The following BEAN1 variants were observed in gnomAD, a reference collection of about 807,000 sequenced individuals.
BEAN1 encodes the protein brain expressed associated with NEDD4 1.
BEAN1 carries 17 observed loss-of-function variants against 17.7 expected under a neutral mutation model. The ratio of observed to expected loss-of-function variants is 0.96; its 90% CI spans 0.66 to 1.44. The LOEUF (loss-of-function observed/expected upper bound fraction) is 1.44. Among genes scored for constraint, BEAN1 ranks in the 40% most tolerant of loss-of-function variants. BEAN1 has a pLI of 0.00. For missense variants in BEAN1, 359 were observed against 374.1 expected, an observed-to-expected ratio of 0.96 and a Z score of 0.33; for synonymous variants, 142 against 151.8, an observed-to-expected ratio of 0.94 and a Z score of 0.47.
chr16:66,491,230 G>A (rs777476821), intron 4 of BEAN1, among the ~76,000 whole-genome samples: 1 of 152,246 alleles, frequency 6.6e-6, no homozygotes, highest in Non-Finnish European at 1.5e-5. Context: ...TCTGCCAGAG[G>A]AAGTGGCCCT....
chr16:66,437,694 C>T lies in BEAN1; in HGVS notation c.18C>T (p.Pro6=). The change falls in exon 2 of 5, where the codon CCC becomes CCT. Residue 6 remains proline (P), a synonymous_variant. Transcript: ENST00000536005. MSFKR[P]CPLARYNRTS... The stretch of plus-strand genomic sequence containing the variant: ...AGGATTACATGTCCTTCAAACGTCC[C>T]TGCCCCTGTAAGTTTCCTCCCCACA... The T allele has an allele frequency of 6.5e-7, 1 of 1,536,044 alleles. No individual in the cohort carries two copies. The highest frequency in any genetic ancestry group is 8.7e-7 in the Non-Finnish European group (1 of 1,146,800).
At position 66,437,652 on chromosome 16, in the gene BEAN1, T is replaced by G. The variant is rs1962080727; in HGVS notation, c.-25T>G. 3.3e-6 allele frequency: 5 copies of G among 1,535,546 alleles called. No individual in the cohort carries two copies. The highest frequency in any genetic ancestry group is 1.2e-5 in the South Asian group (1 of 84,036). ...GAGCTGTGCCCGTGGGCAGGCTGGCTCCGCTGTTCTGCTCCAAGGATTACA... is the reference window on the plus strand; with the variant it reads ...GAGCTGTGCCCGTGGGCAGGCTGGCGCCGCTGTTCTGCTCCAAGGATTACA... On this transcript the variant is annotated 5_prime_UTR_variant, in exon 2 of 5. Transcript: ENST00000536005.
intron 3 of BEAN1, 54 bp downstream of exon 3, chr16:66,469,919 C>T (rs1280291871): frequency 1.3e-5 from 20 of 1,509,346 alleles, no homozygotes; most frequent in Middle Eastern, 2.3e-4. Context: ...GGGATTGCAA[C>T]ACAGGAGGCA....
At chr16:66,445,701 G>A (rs1312416652) in intron 2 of BEAN1, among the ~76,000 whole-genome samples, 1 of 152,098 alleles carries the variant, frequency 6.6e-6, no homozygotes, top group South Asian at 2.1e-4. Context: ...GCCTGAAGAG[G>A]AGGAGAGGAA....
At chr16:66,456,959 A>G (rs1229626697) in intron 2 of BEAN1, among the ~76,000 whole-genome samples, 1 of 152,180 alleles carries the variant, frequency 6.6e-6, no homozygotes, top group African/African-American at 2.4e-5. Context: ...GTATTTTTCC[A>G]GTTACGTTTT....
At chr16:66,458,788 T>G (rs1019246218) in intron 2 of BEAN1, among the ~76,000 whole-genome samples, 1 of 152,130 alleles carries the variant, frequency 6.6e-6, no homozygotes, top group South Asian at 2.1e-4. Context: ...AGCCCCAGAC[T>G]CACTCCCACA....
rs191374185 is a variant in BEAN1 at position 66,446,148 on chromosome 16, T to C, written c.25+8447T>C. Among the ~76,000 whole-genome samples, 56 of 151,532 alleles carry C rather than the reference T, an allele frequency of 3.7e-4. 1 individual carries two copies. Among genetic ancestry groups the C allele is most frequent in the African/African-American group, 1.3e-3 (55 of 41,286 alleles). ...CAGTGAGCCAAGATCATGCCACTGA[T>C]CTCCAGCCTGGGTGATAGAGCGAGA... On this transcript the variant is annotated intron_variant, in intron 2 of 4. Coordinates refer to ENST00000536005, the MANE Select transcript of BEAN1 (RefSeq NM_001178020.3).
rs774079713 is a variant in BEAN1, at chr16:66,490,218, T to TAAAA, written c.148-2718_148-2715dup. 5.3e-4 allele frequency among the ~76,000 whole-genome samples: 23 copies of TAAAA among 43,634 alleles called. No homozygotes were observed. The East Asian group carries it at 5.4e-3, about 10-fold the overall frequency. 28.6% of individuals were successfully genotyped at this position (43,634 alleles called of 152,430 possible). The stretch of plus-strand genomic sequence containing the variant: ...CAACATGGTGAAATCCCATCTCTAC[T>TAAAA]AAAAAAAAAAAAAAAAAAAAAAAAA... On this transcript the variant is annotated intron_variant, in intron 4 of 4. Transcript: ENST00000561796.
At chr16:66,478,819 AG>A (rs1391880398) in intron 4 of BEAN1, among the ~76,000 whole-genome samples, 1 of 152,068 alleles carries the variant, frequency 6.6e-6, no homozygotes, top group Non-Finnish European at 1.5e-5. Flanking sequence ...GCCTTTGTCA[AG>A]GGTGTGTGGT....
chr16:66,489,587 G>A (rs1475242133), intron 4 of BEAN1, among the ~76,000 whole-genome samples: 1 of 152,150 alleles, frequency 6.6e-6, no homozygotes, highest in Non-Finnish European at 1.5e-5. Flanking sequence ...TGTGGGTAGT[G>A]ACTATCTGGA....
Position 66,480,757 on chromosome 16 carries a change from C to G in BEAN1, c.612C>G (p.Gly204=). 6.4e-7 allele frequency: 1 copy of G among 1,551,484 alleles called. No individual in the cohort carries two copies. Among genetic ancestry groups the G allele is most frequent in the Non-Finnish European group, 8.7e-7 (1 of 1,146,908 alleles). ...QQEQRTPAQG[G]LHTVSMDTLP... ...AGCAGAGGACCCCGGCCCAAGGTGG[C>G]CTTCACACGGTCTCCATGGACACCC... The change falls in exon 5 of 5, where the codon GGC becomes GGG. Residue 204 remains glycine, a synonymous_variant. Coordinates refer to ENST00000536005, the MANE Select transcript of BEAN1 (RefSeq NM_001178020.3).
intron 4 of BEAN1, among the ~76,000 whole-genome samples, chr16:66,480,270 C>T (rs985270154): frequency 6.6e-5 from 10 of 152,242 alleles, no homozygotes; most frequent in East Asian, 1.9e-4. Context: ...ACACCCAGTG[C>T]GCTGCGGGGA....
chr16:66,452,160 A>C (rs1478755216), intron 2 of BEAN1, among the ~76,000 whole-genome samples: 1 of 152,206 alleles, frequency 6.6e-6, no homozygotes, highest in Non-Finnish European at 1.5e-5. Context: ...GATCATCAGG[A>C]TCTATCATGG....
intron 2 of BEAN1, among the ~76,000 whole-genome samples, chr16:66,449,211 G>A (rs893193370): frequency 1.3e-5 from 2 of 152,134 alleles, no homozygotes; most frequent in Admixed American, 6.6e-5. Flanking sequence ...ATTATGTTGT[G>A]AGATTCACCC....
downstream of BEAN1, chr16:66,485,201 C>T (rs865857592): frequency 2.4e-6 from 1 of 422,934 alleles, no homozygotes; most frequent in Non-Finnish European, 4.8e-6. Flanking sequence ...TGGGGCCCCT[C>T]CCAAGTTCCT....
intron 2 of BEAN1, among the ~76,000 whole-genome samples, chr16:66,454,630 T>C (rs1402235680): frequency 6.6e-6 from 1 of 152,134 alleles, no homozygotes; most frequent in Non-Finnish European, 1.5e-5. Context: ...TTTCTTGCAG[T>C]CAGCATACAG....
intron 4 of BEAN1, among the ~76,000 whole-genome samples, chr16:66,480,270 C>A (rs985270154): frequency 6.6e-6 from 1 of 152,124 alleles, no homozygotes; most frequent in Non-Finnish European, 1.5e-5. Flanking sequence ...ACACCCAGTG[C>A]GCTGCGGGGA....
intron 3 of BEAN1, among the ~76,000 whole-genome samples, chr16:66,474,569 A>AGGGAGGGAGG (rs1963623049): frequency 1.0e-4 from 4 of 38,794 alleles, no homozygotes; most frequent in African/African-American, 4.8e-4. Context: ...AGGGAGGGAG[A>AGGGAGGGAGG]GAGGGAGGGA....
At chr16:66,459,646 T>C (rs907984963) in intron 2 of BEAN1, among the ~76,000 whole-genome samples, 1 of 152,124 alleles carries the variant, frequency 6.6e-6, no homozygotes, top group African/African-American at 2.4e-5. Context: ...TGATGTGACC[T>C]TGAAGACCCC....
Sources: allele counts gnomAD v4.1 joint callset (sites outside exome capture counted in the v4.1 genomes callset), GRCh38; gene constraint gnomAD v4.1.1; transcripts MANE v1.5; gene names NCBI Gene and HGNC (gene_info 2026-07-23, HGNC 2026-07-21).